GALNTL6: variants seen among roughly 807,000 people sequenced by gnomAD.
The protein encoded by GALNTL6 is polypeptide N-acetylgalactosaminyltransferase-like 6.
Under a neutral mutation model 73.7 loss-of-function variants are expected in GALNTL6, and 46 were observed. The observed-to-expected ratio is 0.62, with a 90% confidence interval of 0.49 to 0.80. The LOEUF is 0.80. Among genes scored for constraint, GALNTL6 ranks in the 30% least tolerant of loss-of-function variants. GALNTL6 has a pLI of 0.00. For synonymous variants in GALNTL6, 259 were observed against 263.7 expected (o/e 0.98, Z 0.17); for missense variants, 604 against 755.0 (o/e 0.80, Z 2.34).
intron 5 of GALNTL6, among the ~76,000 whole-genome samples, chr4:172,409,343 AAT>A (rs1744351748): frequency 6.6e-6 from 1 of 152,044 alleles, no homozygotes; most frequent in Non-Finnish European, 1.5e-5. Context: ...CCCCATTATC[AAT>A]ATATAGCTCA....
At chr4:172,378,987 T>C (rs921338773) in intron 5 of GALNTL6, among the ~76,000 whole-genome samples, 10 of 152,236 alleles carry the variant, frequency 6.6e-5, no homozygotes, top group Admixed American at 1.3e-4. Flanking sequence ...TAGTTTATTT[T>C]CATTTTCATT....
intron 2 of GALNTL6, among the ~76,000 whole-genome samples, chr4:172,156,261 A>G (rs1159909290): frequency 6.6e-6 from 1 of 152,012 alleles, no homozygotes; most frequent in Non-Finnish European, 1.5e-5. Flanking sequence ...TGTTTCTGCT[A>G]TCTTCCTGGG....
rs148151549 is a variant in GALNTL6 at position 172,328,094 on chromosome 4, C to A, written c.386+16342C>A. Among the ~76,000 whole-genome samples, 747 of 152,172 alleles carry A rather than the reference C, an allele frequency of 4.9e-3. 1 individual carries two copies. The highest frequency in any genetic ancestry group is 0.01 in the Middle Eastern group (3 of 294). ...AGGCAGGTCTGGTGGTAATGAACTCCCTCAGCATTTGCTTAGCTGAAAAAT... is the reference window on the plus strand; with the variant it reads ...AGGCAGGTCTGGTGGTAATGAACTCACTCAGCATTTGCTTAGCTGAAAAAT... On this transcript the variant is annotated intron_variant, in intron 4 of 12. Transcript: ENST00000506823.
At chr4:171,917,511 G>A (rs1737664550) in intron 2 of GALNTL6, among the ~76,000 whole-genome samples, 1 of 152,012 alleles carries the variant, frequency 6.6e-6, no homozygotes, top group Non-Finnish European at 1.5e-5. Flanking sequence ...TGTGGGTCTA[G>A]CAATGACACC....
chr4:172,837,508 T>C (rs1438376643), intron 7 of GALNTL6, among the ~76,000 whole-genome samples: 4 of 152,146 alleles, frequency 2.6e-5, no homozygotes, highest in Admixed American at 6.5e-5. Context: ...AAAAATAAGA[T>C]AGTCTCAAAG....
chr4:171,853,479 G>T (rs1474887856), intron 2 of GALNTL6, among the ~76,000 whole-genome samples: 3 of 128,932 alleles, frequency 2.3e-5, no homozygotes, highest in African/African-American at 5.8e-5. Context: ...TTTTTTTTCT[G>T]TTCTTTCTTA....
At chr4:172,714,107 C>A (rs527656839) in intron 5 of GALNTL6, among the ~76,000 whole-genome samples, 2 of 152,130 alleles carry the variant, frequency 1.3e-5, no homozygotes, top group South Asian at 4.2e-4. Context: ...ACAGACTGGT[C>A]CCCAGGAAAT....
At chr4:172,813,761 G>T in intron 7 of GALNTL6, 38 bp downstream of exon 7, 1 of 1,516,508 alleles carries the variant, frequency 6.6e-7, no homozygotes, top group Non-Finnish European at 9.0e-7. Context: ...GGGGGTGAGG[G>T]CAGGTAACTC....
chr4:172,776,066 C>CTA (rs1183022336), intron 5 of GALNTL6, among the ~76,000 whole-genome samples: 1 of 152,180 alleles, frequency 6.6e-6, no homozygotes, highest in Non-Finnish European at 1.5e-5. Flanking sequence ...ACGTGAGACT[C>CTA]TAATCATAGG....
At chr4:172,905,812 C>CAAAAAAAAAAAAAAAAAAA (rs397996287) in intron 8 of GALNTL6, among the ~76,000 whole-genome samples, 3 of 69,664 alleles carry the variant, frequency 4.3e-5, no homozygotes, top group Non-Finnish European at 5.5e-5. Context: ...AGAGATCACT[C>CAAAAAAAAAAAAAAAAAAA]AAAAAAAAAA....
chr4:172,557,773 A>G (rs1736201208), intron 5 of GALNTL6, among the ~76,000 whole-genome samples: 1 of 152,212 alleles, frequency 6.6e-6, no homozygotes, highest in South Asian at 2.1e-4. Flanking sequence ...AACATCTGGC[A>G]ATTTCATACA....
intron 5 of GALNTL6, among the ~76,000 whole-genome samples, chr4:172,735,423 G>C (rs1337054715): frequency 6.6e-6 from 1 of 152,154 alleles, no homozygotes; most frequent in African/African-American, 2.4e-5. Flanking sequence ...GAACAGGTGT[G>C]TTTACCCATT....
intron 2 of GALNTL6, among the ~76,000 whole-genome samples, chr4:172,161,028 G>A (rs1306796139): frequency 6.6e-6 from 1 of 151,744 alleles, no homozygotes; most frequent in Non-Finnish European, 1.5e-5. Flanking sequence ...GGTGAAAGAT[G>A]TAATAATCAA....
At position 171,903,416 on chromosome 4, in the gene GALNTL6, A is replaced by G. The variant is rs190644800; in HGVS notation, c.138+88698A>G. Among the ~76,000 whole-genome samples, 135 of 152,216 alleles carry G rather than the reference A, an allele frequency of 8.9e-4. 1 individual carries two copies. Among genetic ancestry groups the G allele is most frequent in the Non-Finnish European group, 1.2e-3 (79 of 68,004 alleles). On this transcript the variant is annotated intron_variant, in intron 2 of 12. Coordinates refer to ENST00000506823, the MANE Select transcript of GALNTL6 (RefSeq NM_001034845.3). ...CTGGAAAATCGGGTCACTCCCACCC[A>G]AATACTGCGCTTTGCCGAAGGGCTT...
intron 5 of GALNTL6, among the ~76,000 whole-genome samples, chr4:172,562,063 G>A (rs555703317): frequency 6.6e-6 from 1 of 152,132 alleles, no homozygotes; most frequent in South Asian, 2.1e-4. Context: ...TTCATAGGGT[G>A]GGTATGATGA....
At chr4:172,578,556 G>T (rs537694514) in intron 5 of GALNTL6, among the ~76,000 whole-genome samples, 5 of 152,336 alleles carry the variant, frequency 3.3e-5, no homozygotes, top group African/African-American at 1.2e-4. Flanking sequence ...CAGCACTTTT[G>T]CAATAGCAGT....
At chr4:172,351,456 T>G (rs936225488) in intron 5 of GALNTL6, among the ~76,000 whole-genome samples, 3 of 152,134 alleles carry the variant, frequency 2.0e-5, no homozygotes, top group African/African-American at 7.2e-5. Context: ...TGCATGGCCT[T>G]AGAAGAGTGT....
chr4:172,670,363 A>T (rs1246557889), intron 5 of GALNTL6, among the ~76,000 whole-genome samples: 1 of 152,028 alleles, frequency 6.6e-6, no homozygotes, highest in Admixed American at 6.6e-5. Flanking sequence ...GTGAGATGGT[A>T]TCTAATTTTG....
chr4:172,052,540 TA>T, intron 2 of GALNTL6: 1 of 1,530,642 alleles, frequency 6.5e-7, no homozygotes, highest in Non-Finnish European at 8.7e-7. Context: ...AGGTAACCGG[TA>T]AAAAGCAAAC....
Sources: gnomAD v4.1 joint callset for allele counts (sites outside exome capture counted in the v4.1 genomes callset) on GRCh38, gnomAD v4.1.1 for gene constraint, MANE v1.5 for transcripts, NCBI Gene and HGNC (gene_info 2026-07-23, HGNC 2026-07-21) for gene names.